Variants in WDPCP observed in about 807,000 individuals in gnomAD.
WDPCP encodes the protein WD repeat containing planar cell polarity effector.
A neutral mutation model predicts 93.1 loss-of-function variants in WDPCP; 71 were observed. The observed-to-expected ratio is 0.76, with a 90% CI of 0.63 to 0.93. WDPCP has a LOEUF of 0.93. Ranked by LOEUF, WDPCP falls within the 40% of genes least tolerant of loss-of-function variation. WDPCP has a pLI of 0.00. For missense variants in WDPCP, 844 were observed against 887.4 expected, an observed-to-expected ratio of 0.95 and a Z score of 0.62; for synonymous variants, 315 against 315.0, an observed-to-expected ratio of 1.00 and a Z score of 0.00.
chr2:63,466,582 T>C (rs1250866229), intron 6 of WDPCP, among the ~76,000 whole-genome samples: 2 of 152,160 alleles, frequency 1.3e-5, no homozygotes, highest in East Asian at 3.8e-4. Flanking sequence ...AAAACCTGAT[T>C]AAAAAATCAG....
exon 3 of WDPCP, chr2:63,650,739 C>A (rs945420308): frequency 1.3e-5 from 2 of 152,134 alleles, no homozygotes; most frequent in African/African-American, 4.8e-5. Flanking sequence ...TAGCAACTGA[C>A]CAGCTGGCAT....
intron 4 of WDPCP, 93 bp downstream of exon 4, chr2:63,486,449 G>A: frequency 6.0e-6 from 7 of 1,159,200 alleles, no homozygotes; most frequent in South Asian, 4.5e-5. Flanking sequence ...AAATTTGGAG[G>A]GAATAAAGTT....
intron 2 of WDPCP, among the ~76,000 whole-genome samples, chr2:63,685,861 G>C (rs1170424482): frequency 6.6e-6 from 1 of 152,084 alleles, no homozygotes; most frequent in African/African-American, 2.4e-5. Context: ...AAAAACATAT[G>C]ATCATTTAAA....
chr2:63,801,629 A>AT (rs1372169703), intron 2 of WDPCP, among the ~76,000 whole-genome samples: 1 of 152,016 alleles, frequency 6.6e-6, no homozygotes, highest in Non-Finnish European at 1.5e-5. Flanking sequence ...AATCCTGCTG[A>AT]TTGGTGCATT....
chr2:63,527,384 G>A (rs1224967843), intron 1 of WDPCP, among the ~76,000 whole-genome samples: 3 of 93,416 alleles, frequency 3.2e-5, no homozygotes, highest in South Asian at 3.7e-4. Flanking sequence ...CCCAACCAAC[G>A]ACAGGCCCTG....
chr2:63,289,962 A>G (rs1684283766), intron 13 of WDPCP, among the ~76,000 whole-genome samples: 1 of 151,766 alleles, frequency 6.6e-6, no homozygotes, highest in African/African-American at 2.4e-5. Flanking sequence ...TGTCATAATA[A>G]TTAAAGTGCT....
rs572520137 is a variant in WDPCP at position 63,735,721 on chromosome 2, A to T, written n.308+77901T>A. On this transcript the variant is annotated intron_variant and non_coding_transcript_variant, in intron 2 of 4. Coordinates refer to the WDPCP transcript ENST00000467687. ...CAAAAGAGAGAGACACCGTCAGACT[A>T]GAGGCATGGAAGAAAGAAATATTAT... Among the ~76,000 whole-genome samples the T allele has an allele frequency of 2.1e-4, 32 of 152,316 alleles. 1 individual carries two copies. Among genetic ancestry groups the T allele is most frequent in the Admixed American group, 1.7e-3 (26 of 15,300 alleles).
At chr2:63,157,405 A>G (rs1672336201) in intron 15 of WDPCP, among the ~76,000 whole-genome samples, 1 of 152,006 alleles carries the variant, frequency 6.6e-6, no homozygotes, top group African/African-American at 2.4e-5. Flanking sequence ...TCAGAAAATG[A>G]GCTGGGATGT....
rs70965143 is a variant in WDPCP, at chr2:63,782,740, ATGTGTGTG to A, written n.308+30874_308+30881del. ...CTGAAGCAGTCAGTCCACAGGCAAC[ATGTGTGTG>A]TGTGTGTGTGTGTGTGTGTGTGTGT... On this transcript the variant is annotated intron_variant and non_coding_transcript_variant, in intron 2 of 4. Transcript: ENST00000467687. Among the ~76,000 whole-genome samples the A allele has an allele frequency of 2.9e-3, 413 of 141,244 alleles. 2 individuals are homozygous for A. The highest frequency in any genetic ancestry group is 9.9e-3 in the African/African-American group (385 of 38,868). 92.7% of individuals were successfully genotyped at this position (141,244 alleles called of 152,430 possible).
chr2:63,367,826 T>C (rs1691036834), intron 12 of WDPCP, among the ~76,000 whole-genome samples: 1 of 152,224 alleles, frequency 6.6e-6, no homozygotes, highest in East Asian at 1.9e-4. Flanking sequence ...AATTTTTATT[T>C]ATTAAACCTA....
chr2:63,375,352 G>GGTAA (rs1387133453), intron 12 of WDPCP, among the ~76,000 whole-genome samples: 1 of 151,850 alleles, frequency 6.6e-6, no homozygotes, highest in African/African-American at 2.4e-5. Flanking sequence ...ACCTTCTGTA[G>GGTAA]GTAAGTGTCT....
intron 14 of WDPCP, among the ~76,000 whole-genome samples, chr2:63,237,013 C>A (rs557482760): frequency 8.6e-5 from 13 of 151,840 alleles, no homozygotes; most frequent in Non-Finnish European, 1.8e-4. Flanking sequence ...AACTTCTGCA[C>A]AGCAAAAGAA....
At chr2:63,762,854 A>G (rs904113828) in intron 2 of WDPCP, among the ~76,000 whole-genome samples, 1 of 152,188 alleles carries the variant, frequency 6.6e-6, no homozygotes, top group Non-Finnish European at 1.5e-5. Flanking sequence ...AAGTTTCAAC[A>G]TGAATTTTGG....
chr2:63,418,235 T>C (rs962031066), intron 9 of WDPCP, among the ~76,000 whole-genome samples: 1 of 152,156 alleles, frequency 6.6e-6, no homozygotes, highest in Non-Finnish European at 1.5e-5. Flanking sequence ...GCAGCTGGTT[T>C]TTCTCCCAAA....
At chr2:63,671,529 A>C (rs2604617) in intron 2 of WDPCP, among the ~76,000 whole-genome samples, 1 of 151,812 alleles carries the variant, frequency 6.6e-6, no homozygotes. Flanking sequence ...TTTCTTTCAC[A>C]AGTGGTCCCC....
At chr2:63,182,982 C>T (rs1674366035) in intron 14 of WDPCP, among the ~76,000 whole-genome samples, 1 of 151,522 alleles carries the variant, frequency 6.6e-6, no homozygotes, top group Non-Finnish European at 1.5e-5. Flanking sequence ...GGTATCAGTT[C>T]TAATGTCTCC....
intron 2 of WDPCP, among the ~76,000 whole-genome samples, chr2:63,702,719 T>A (rs917088176): frequency 1.0e-4 from 15 of 149,422 alleles, no homozygotes; most frequent in Admixed American, 1.3e-4. Flanking sequence ...TTTTTTTTTT[T>A]ACTTTTTTTT....
intron 15 of WDPCP, among the ~76,000 whole-genome samples, chr2:63,165,306 A>G: frequency 6.6e-6 from 1 of 152,232 alleles, no homozygotes; most frequent in Non-Finnish European, 1.5e-5. Context: ...TAATTGTATG[A>G]TTTTTATCAA....
chr2:63,378,077 A>C (rs1449403515), intron 12 of WDPCP: 1 of 300,596 alleles, frequency 3.3e-6, no homozygotes, highest in East Asian at 7.4e-5. Context: ...AATTAAAAAG[A>C]AAATATTTAC....
Sources: gnomAD v4.1 joint callset for allele counts (sites outside exome capture counted in the v4.1 genomes callset) on GRCh38, gnomAD v4.1.1 for gene constraint, MANE v1.5 for transcripts, NCBI Gene and HGNC (gene_info 2026-07-23, HGNC 2026-07-21) for gene names.